SPART: variants seen among roughly 807,000 people sequenced by gnomAD.
SPART encodes the protein spastic paraplegia 20 (Troyer syndrome).
A neutral mutation model predicts 58.7 loss-of-function variants in SPART; 35 were observed. The observed-to-expected ratio is 0.60, with a 90% CI of 0.46 to 0.79. The LOEUF is 0.79. Among genes scored for constraint, SPART ranks in the 30% least tolerant of loss-of-function variants. The probability of loss-of-function intolerance (pLI) is 0.00; values close to 1 mark genes in which losing one functional copy is unlikely to be tolerated. For synonymous variants in SPART, 284 were observed against 280.7 expected, an observed-to-expected ratio of 1.01 and a Z score of -0.12; for missense variants, 730 against 786.1, an observed-to-expected ratio of 0.93 and a Z score of 0.85.
intron 1 of SPART, chr13:36,368,325 A>G: frequency 3.3e-6 from 1 of 300,932 alleles, no homozygotes; most frequent in South Asian, 2.9e-5. Flanking sequence ...CTTTTGAGGA[A>G]GAAGGACCAT....
chr13:36,344,333 A>C (rs917810156), intron 1 of SPART, among the ~76,000 whole-genome samples: 1 of 152,192 alleles, frequency 6.6e-6, no homozygotes, highest in Non-Finnish European at 1.5e-5. Flanking sequence ...ATTTCCTAAT[A>C]ATGTGTCAAT....
chr13:36,305,014 C>T (rs746839148), intron 8 of SPART, among the ~76,000 whole-genome samples: 2 of 152,072 alleles, frequency 1.3e-5, no homozygotes, highest in East Asian at 3.9e-4. Context: ...TCTAGAGTCA[C>T]GTAAGTAGTT....
intron 1 of SPART, among the ~76,000 whole-genome samples, chr13:36,359,162 T>C (rs1885739606): frequency 6.6e-6 from 1 of 152,266 alleles, no homozygotes; most frequent in Non-Finnish European, 1.5e-5. Context: ...ATTAACATTT[T>C]GTTGAATACC....
At chr13:36,359,881 T>C (rs935249148) in intron 1 of SPART, among the ~76,000 whole-genome samples, 6 of 134,248 alleles carry the variant, frequency 4.5e-5, no homozygotes, top group Admixed American at 1.6e-4. Context: ...GCATTTAGGA[T>C]AGTGCCTAGA....
At chr13:36,362,352 C>CAA (rs10627452) in intron 1 of SPART, among the ~76,000 whole-genome samples, 34,872 of 117,366 alleles carry the variant, frequency 0.3, 5,851 homozygotes, top group Middle Eastern at 0.34. Flanking sequence ...ACTTCCATCT[C>CAA]AAAAAAAAAA....
At chr13:36,318,644 C>T (rs1315879328) in intron 5 of SPART, among the ~76,000 whole-genome samples, 2 of 152,206 alleles carry the variant, frequency 1.3e-5, no homozygotes, top group Admixed American at 6.5e-5. Context: ...CTCCAGCACA[C>T]AAGAACTTCC....
Position 36,302,151 on chromosome 13 carries a change from G to A in SPART, c.*2214C>T, listed in dbSNP as rs1880047855. ...GAAAATAGGAAGAACATACATATAG[G>A]TAATTGGCAGCTTTCCATGTCTTTA... On this transcript the variant is annotated 3_prime_UTR_variant, in exon 9 of 9. Transcript: ENST00000438666. The A allele has an allele frequency of 6.6e-6, 1 of 152,074 alleles. No homozygotes were observed. 9.4% of individuals were successfully genotyped at this position (152,074 alleles called of 1,614,324 possible).
intron 1 of SPART, among the ~76,000 whole-genome samples, chr13:36,358,600 A>G (rs183606284): frequency 9.1e-4 from 138 of 152,292 alleles, no homozygotes; most frequent in Admixed American, 2.1e-3. Flanking sequence ...TGCAATCCAA[A>G]ATATTTCCTT....
intron 4 of SPART, among the ~76,000 whole-genome samples, chr13:36,329,160 T>A (rs1883226154): frequency 3.3e-5 from 5 of 152,180 alleles, no homozygotes; most frequent in Admixed American, 1.3e-4. Flanking sequence ...ACACAGAGTA[T>A]CTTTTAAAAT....
chr13:36,321,105 C>T (rs941304467), intron 5 of SPART, among the ~76,000 whole-genome samples: 9 of 152,182 alleles, frequency 5.9e-5, no homozygotes, highest in Admixed American at 3.3e-4. Flanking sequence ...CCCGTACAGA[C>T]GCTCCTTATT....
chr13:36,309,259 A>AC (rs35670825), intron 8 of SPART, among the ~76,000 whole-genome samples: 177 of 151,686 alleles, frequency 1.2e-3, no homozygotes, highest in African/African-American at 3.9e-3. Flanking sequence ...AAAAAAAAAA[A>AC]CTGACACTCC....
intron 5 of SPART, among the ~76,000 whole-genome samples, chr13:36,322,590 G>A (rs1162943059): frequency 6.6e-6 from 1 of 152,194 alleles, no homozygotes; most frequent in Non-Finnish European, 1.5e-5. Flanking sequence ...AGAAATATGA[G>A]TTTAAAACAC....
rs139036331 is a variant in SPART at position 36,304,891 on chromosome 13, T to C, written c.1734-259A>G. On this transcript the variant is annotated intron_variant, in intron 8 of 8. Transcript: ENST00000438666. ...GCTGAGAATGATGTAATAAAGACTG[T>C]CAAGTAAAAATAAAAGTGTAAATTA... Among the ~76,000 whole-genome samples, 19 of 152,276 alleles carry C rather than the reference T, an allele frequency of 1.2e-4. No individual in the cohort carries two copies. The East Asian group carries it at 3.5e-3, about 28-fold the overall frequency.
chr13:36,339,638 A>AAAC (rs1884379674), intron 1 of SPART, among the ~76,000 whole-genome samples: 4 of 149,484 alleles, frequency 2.7e-5, no homozygotes, highest in South Asian at 4.3e-4. Context: ...AAAAAAAAAA[A>AAAC]AAAAAAAAAA....
intron 6 of SPART, 51 bp downstream of exon 6, chr13:36,314,176 C>T: frequency 6.6e-7 from 1 of 1,524,628 alleles, no homozygotes; most frequent in South Asian, 1.1e-5. Context: ...TGGATTAAGA[C>T]ATTATTTTAA....
intron 5 of SPART, among the ~76,000 whole-genome samples, chr13:36,318,681 G>A (rs917211772): frequency 4.6e-5 from 7 of 152,100 alleles, no homozygotes; most frequent in South Asian, 2.1e-4. Context: ...GTGGCCAGGC[G>A]TTCCTCCAGA....
upstream of SPART, among the ~76,000 whole-genome samples, chr13:36,350,761 G>A (rs1885377805): frequency 1.3e-5 from 2 of 152,098 alleles, no homozygotes; most frequent in Admixed American, 6.5e-5. Context: ...TGGCACTTTT[G>A]GGGCTTTTAC....
At chr13:36,308,636 AGTTTTTT>A (rs1880753273) in intron 8 of SPART, among the ~76,000 whole-genome samples, 1 of 44,384 alleles carries the variant, frequency 2.3e-5, no homozygotes, top group Non-Finnish European at 4.4e-5. Context: ...TAGTTAGGTA[AGTTTTTT>A]TTTTTTTTTT....
At position 36,303,103 on chromosome 13, in the gene SPART, A is replaced by G. The variant is rs1481888782; in HGVS notation, c.*1262T>C. On this transcript the variant is annotated 3_prime_UTR_variant, in exon 9 of 9. Transcript: ENST00000438666. ...CTTAGGAAAAGCCTCCATCAGTTCT[A>G]TGTGTTCCCAAAATATAAGCTCATG... 6.6e-6 allele frequency: 1 copy of G among 152,174 alleles called. No homozygotes were observed. The highest frequency in any genetic ancestry group is 1.5e-5 in the Non-Finnish European group (1 of 68,028). The allele number at this position is 152,174 out of a possible 1,614,324, so 9.4% of individuals were successfully genotyped here.
Sources: gnomAD v4.1 joint callset for allele counts (sites outside exome capture counted in the v4.1 genomes callset) on GRCh38, gnomAD v4.1.1 for gene constraint, MANE v1.5 for transcripts, NCBI Gene and HGNC (gene_info 2026-07-23, HGNC 2026-07-21) for gene names.